BCAS3: variants seen among roughly 807,000 people sequenced by gnomAD.
BCAS3 encodes the protein BCAS4/BCAS3 fusion.
BCAS3 carries 53 observed loss-of-function variants against 116.1 expected under a neutral mutation model. That is an observed-to-expected ratio of 0.46 (90% CI 0.37 to 0.57). BCAS3 has a LOEUF of 0.57. Among genes scored for constraint, BCAS3 ranks in the 20% least tolerant of loss-of-function variants. BCAS3 has a pLI of 0.00. For missense variants in BCAS3, 917 were observed against 1,165.4 expected, an observed-to-expected ratio of 0.79 and a Z score of 3.10; for synonymous variants, 391 against 408.2, an observed-to-expected ratio of 0.96 and a Z score of 0.51.
chr17:61,331,060 C>T (rs1172373538), intron 22 of BCAS3, among the ~76,000 whole-genome samples: 1 of 152,240 alleles, frequency 6.6e-6, no homozygotes, highest in South Asian at 2.1e-4. Context: ...AGGTGCTTTC[C>T]GTAGGGGTGA....
intron 16 of BCAS3, among the ~76,000 whole-genome samples, chr17:61,018,559 C>T (rs922658986): frequency 2.0e-5 from 3 of 152,208 alleles, no homozygotes; most frequent in Middle Eastern, 3.4e-3. Flanking sequence ...GCCTCGGCCT[C>T]CCAAAGTGCT....
rs140248366 is a variant in BCAS3, at chr17:60,949,190, A to G, written c.1221+1838A>G. Among the ~76,000 whole-genome samples, 566 of 152,268 alleles carry G rather than the reference A, an allele frequency of 3.7e-3. 3 individuals are homozygous for G. Among genetic ancestry groups the G allele is most frequent in the African/African-American group, 0.013 (538 of 41,560 alleles). Reference sequence around the variant, plus strand: ...GCGCCCAGCCTCACGGAAATATTCTAACATAAAACTGGCTTAAGTAAAATT... The same window carrying G: ...GCGCCCAGCCTCACGGAAATATTCTGACATAAAACTGGCTTAAGTAAAATT... On this transcript the variant is annotated intron_variant, in intron 14 of 23. Coordinates refer to ENST00000407086, the MANE Select transcript of BCAS3 (RefSeq NM_017679.5).
chr17:60,692,302 C>T (rs555145854), intron 4 of BCAS3, among the ~76,000 whole-genome samples: 10 of 152,114 alleles, frequency 6.6e-5, no homozygotes, highest in Admixed American at 5.2e-4. Flanking sequence ...TGCACCCAGG[C>T]GCGATCTCAG....
At position 61,286,316 on chromosome 17, in the gene BCAS3, A is replaced by T. The variant is rs942992493; in HGVS notation, c.2426-82011A>T. On this transcript the variant is annotated intron_variant, in intron 22 of 23. Coordinates refer to ENST00000407086, the MANE Select transcript of BCAS3 (RefSeq NM_017679.5). This position sits in a 1 kb window ranked among gnomAD's most constrained non-coding sequence, Gnocchi z 4.8. ...TTCTCTGAATCTGCATTTGAAAGTTATCGTGAGCAGATGAAGCAGAGGTTG... is the reference window on the plus strand; with the variant it reads ...TTCTCTGAATCTGCATTTGAAAGTTTTCGTGAGCAGATGAAGCAGAGGTTG... Among the ~76,000 whole-genome samples, 1 of 152,204 alleles carries T rather than the reference A, an allele frequency of 6.6e-6. No homozygotes were observed. Among genetic ancestry groups the T allele is most frequent in the African/African-American group, 2.4e-5 (1 of 41,448 alleles).
intron 7 of BCAS3, among the ~76,000 whole-genome samples, chr17:60,853,848 C>T (rs1013293764): frequency 1.3e-5 from 2 of 151,918 alleles, no homozygotes; most frequent in South Asian, 2.1e-4. Flanking sequence ...CACCTCATTC[C>T]TTTTTATTGC....
At chr17:61,170,957 G>T (rs1183814653) in intron 22 of BCAS3, among the ~76,000 whole-genome samples, 1 of 152,182 alleles carries the variant, frequency 6.6e-6, no homozygotes, top group Non-Finnish European at 1.5e-5. Context: ...GGGAACATTC[G>T]CTGGAGCTTA....
At chr17:60,812,819 A>G (rs1290983764) in intron 7 of BCAS3, among the ~76,000 whole-genome samples, 1 of 152,116 alleles carries the variant, frequency 6.6e-6, no homozygotes, top group Non-Finnish European at 1.5e-5. Context: ...AGCTCACTAT[A>G]ATCTGGAACT....
At chr17:61,275,086 A>C (rs2050656943) in intron 22 of BCAS3, among the ~76,000 whole-genome samples, 1 of 151,812 alleles carries the variant, frequency 6.6e-6, no homozygotes, top group African/African-American at 2.4e-5. Flanking sequence ...CCTGGGCTCA[A>C]GCGATCCTCT....
intron 7 of BCAS3, among the ~76,000 whole-genome samples, chr17:60,831,605 G>T (rs2050939217): frequency 6.6e-6 from 1 of 152,084 alleles, no homozygotes. Context: ...TACAACGAAG[G>T]TTAAAACAGT....
intron 5 of BCAS3, among the ~76,000 whole-genome samples, chr17:60,721,547 G>A (rs751648682): frequency 8.5e-5 from 13 of 152,118 alleles, no homozygotes; most frequent in Non-Finnish European, 1.8e-4. Context: ...ATTTGACATA[G>A]GCAGTAGACA....
chr17:60,820,778 A>G (rs1270789475), intron 7 of BCAS3, among the ~76,000 whole-genome samples: 1 of 152,204 alleles, frequency 6.6e-6, no homozygotes, highest in Non-Finnish European at 1.5e-5. Flanking sequence ...AAGACCAGGG[A>G]GTAACACTCT....
chr17:60,748,767 A>T (rs532156490), intron 6 of BCAS3, among the ~76,000 whole-genome samples: 4 of 152,146 alleles, frequency 2.6e-5, no homozygotes, highest in Non-Finnish European at 4.4e-5. Flanking sequence ...TTAGAAGTAG[A>T]TTTAATTTAC....
chr17:61,139,378 A>G lies in BCAS3; in HGVS notation c.2425+54814A>G, dbSNP rs1210594893. 1.3e-5 allele frequency among the ~76,000 whole-genome samples: 2 copies of G among 152,056 alleles called. No homozygotes were observed. The highest frequency in any genetic ancestry group is 4.8e-5 in the African/African-American group (2 of 41,398). ...CGAGGTTCACAAATGCTGTTTTCAT[A>G]TTTGTGGTTTTGGTGTTTCCTCTTA... is the stretch of plus-strand genomic sequence containing the variant. On this transcript the variant is annotated intron_variant, in intron 22 of 23. Coordinates refer to ENST00000407086, the MANE Select transcript of BCAS3 (RefSeq NM_017679.5). The surrounding 1 kb of genome is among the most constrained non-coding windows in gnomAD (Gnocchi z 4.7).
intron 23 of BCAS3, chr17:61,383,676 T>C (rs933200051): frequency 1.2e-4 from 19 of 152,238 alleles, no homozygotes; most frequent in African/African-American, 4.6e-4. Context: ...GACGGACCAG[T>C]GGCAGGGAGG....
At chr17:61,350,391 G>A (rs2057756536) in intron 22 of BCAS3, among the ~76,000 whole-genome samples, 1 of 150,110 alleles carries the variant, frequency 6.7e-6, no homozygotes, top group Admixed American at 6.7e-5. Flanking sequence ...TTCCAGCCTG[G>A]GCGACAGAGC....
chr17:60,992,488 G>A (rs930117156), intron 15 of BCAS3, among the ~76,000 whole-genome samples: 2 of 152,080 alleles, frequency 1.3e-5, no homozygotes, highest in African/African-American at 4.8e-5. Context: ...AGTATACATG[G>A]ACATAAAGAT....
rs2048723571 is a variant in BCAS3 at position 60,810,657 on chromosome 17, T to C, written c.476+2581T>C. 3 of 670,608 alleles carry C rather than the reference T, an allele frequency of 4.5e-6. 1 individual carries two copies. In the East Asian group the frequency reaches 9.1e-5, roughly 20 times the overall value. 41.5% of individuals were successfully genotyped at this position (670,608 alleles called of 1,614,324 possible). A position where few individuals can be genotyped will look rare whatever the true frequency, so the allele number is the denominator to read the frequency against. On this transcript the variant is annotated intron_variant, in intron 7 of 23. Transcript: ENST00000407086. ...GTGCCTGTGTTGCTGCTGATGACTT[T>C]AGAGTCAAGTATGAGACAGAGCTGG...
At chr17:60,882,267 T>C (rs1362854722) in intron 9 of BCAS3, among the ~76,000 whole-genome samples, 3 of 151,758 alleles carry the variant, frequency 2.0e-5, no homozygotes, top group Non-Finnish European at 4.4e-5. Flanking sequence ...TCATGTCCTT[T>C]GCCCACTTTT....
At chr17:61,086,597 C>T (rs910932236) in intron 22 of BCAS3, 3 of 712,192 alleles carry the variant, frequency 4.2e-6, no homozygotes, top group Admixed American at 6.3e-5. Flanking sequence ...CAGAGATACA[C>T]TGTATGAGTT....
Sources: allele counts gnomAD v4.1 joint callset (sites outside exome capture counted in the v4.1 genomes callset), GRCh38; gene constraint gnomAD v4.1.1; non-coding constraint Gnocchi (gnomAD v3.1); transcripts MANE v1.5; gene names NCBI Gene and HGNC (gene_info 2026-07-23, HGNC 2026-07-21).